ARHGAP29: variants seen among roughly 807,000 people sequenced by gnomAD.
ARHGAP29 encodes rho GTPase-activating protein 29.
Under a neutral mutation model 122.6 loss-of-function variants are expected in ARHGAP29, and 43 were observed. The ratio of observed to expected loss-of-function variants is 0.35; its 90% confidence interval spans 0.27 to 0.45. The LOEUF (loss-of-function observed/expected upper bound fraction) is 0.45. Among genes scored for constraint, ARHGAP29 ranks in the 20% least tolerant of loss-of-function variants. The pLI is 1.00. For synonymous variants in ARHGAP29, 506 were observed against 497.1 expected (o/e 1.02, Z -0.24); for missense variants, 1,303 against 1,477.2 (o/e 0.88, Z 1.93).
At chr1:94,309,187 A>G in the ARHGAP29 span, among the ~76,000 whole-genome samples, 1 of 152,240 alleles carries the variant, frequency 6.6e-6, no homozygotes, top group Non-Finnish European at 1.5e-5. Context: ...ACTTTCAAGC[A>G]TCCCTATTTC....
At chr1:94,268,981 T>C (rs61784302) in intron 1 of ARHGAP29, among the ~76,000 whole-genome samples, 3,390 of 152,290 alleles carry the variant, frequency 0.022, 52 homozygotes, top group Non-Finnish European at 0.033. Flanking sequence ...CATATACATA[T>C]GTAAGAAGGT....
intron 1 of ARHGAP29, among the ~76,000 whole-genome samples, chr1:94,233,561 G>A (rs1239898830): frequency 2.0e-5 from 3 of 152,078 alleles, no homozygotes; most frequent in African/African-American, 7.2e-5. Flanking sequence ...CCCTTCCAAA[G>A]TATAAGTGAG....
At chr1:94,205,747 T>G in intron 5 of ARHGAP29, 64 bp from the exon 6 acceptor site, 6 of 1,501,036 alleles carry the variant, frequency 4.0e-6, no homozygotes, top group Non-Finnish European at 5.5e-6. Context: ...CTTCAGAATT[T>G]TTTTGCCCCA....
intron 2 of ARHGAP29, 31 bp from the exon 3 acceptor site, chr1:94,220,423 C>T (rs1184635633): frequency 6.5e-7 from 1 of 1,529,658 alleles, no homozygotes; most frequent in Non-Finnish European, 8.8e-7. Flanking sequence ...AATTTATTTC[C>T]AGAGCAAAGT....
chr1:94,219,709 G>C (rs1199239691), intron 3 of ARHGAP29, among the ~76,000 whole-genome samples: 1 of 152,110 alleles, frequency 6.6e-6, no homozygotes. Context: ...TGAATGGCAA[G>C]TCATTTCATC....
At chr1:94,274,087 G>A (rs1156880530) in intron 1 of ARHGAP29, among the ~76,000 whole-genome samples, 2 of 152,158 alleles carry the variant, frequency 1.3e-5, no homozygotes, top group African/African-American at 4.8e-5. Flanking sequence ...AAGATTTAGA[G>A]ACGCTAAGCA....
chr1:94,194,961 AAAGTAAAAAGT>A (rs1453400993), intron 12 of ARHGAP29: 2 of 127,018 alleles, frequency 1.6e-5, no homozygotes, highest in African/African-American at 7.0e-5. Context: ...AATGTAGACA[AAAGTAAAAAGT>A]AATAATAGAA....
At chr1:94,284,839 A>T in the ARHGAP29 span, among the ~76,000 whole-genome samples, 1 of 152,236 alleles carries the variant, frequency 6.6e-6, no homozygotes, top group Non-Finnish European at 1.5e-5. Flanking sequence ...CACAGAAGAA[A>T]GATAGTGGCA....
At chr1:94,209,846 A>G (rs1191197581) in intron 3 of ARHGAP29, among the ~76,000 whole-genome samples, 1 of 152,082 alleles carries the variant, frequency 6.6e-6, no homozygotes, top group East Asian at 1.9e-4. Context: ...AAAGCATAAA[A>G]CCTGTAACAA....
At chr1:94,280,983 G>A in the ARHGAP29 span, among the ~76,000 whole-genome samples, 4,016 of 151,950 alleles carry the variant, frequency 0.026, 179 homozygotes, top group African/African-American at 0.092. Context: ...AATTTCTAGG[G>A]GTCACTTCCC....
At chr1:94,205,219 G>A in intron 6 of ARHGAP29, 21 bp from the exon 7 acceptor site, 1 of 1,553,052 alleles carries the variant, frequency 6.4e-7, no homozygotes, top group Non-Finnish European at 8.7e-7. Context: ...AAATATCAAG[G>A]TAAGTATATG....
At chr1:94,233,413 G>GCAGTAGAA (rs1653054301) in intron 1 of ARHGAP29, among the ~76,000 whole-genome samples, 1 of 151,656 alleles carries the variant, frequency 6.6e-6, no homozygotes, top group South Asian at 2.1e-4. Flanking sequence ...TACCACACTA[G>GCAGTAGAA]TGAATTACCA....
chr1:94,177,589 T>C, intron 22 of ARHGAP29, 23 bp downstream of exon 22: 2 of 1,545,854 alleles, frequency 1.3e-6, no homozygotes, highest in Non-Finnish European at 1.8e-6. Flanking sequence ...GCAAACATAT[T>C]TTTTTTTTAC....
At chr1:94,235,084 A>G (rs922364595) in intron 1 of ARHGAP29, among the ~76,000 whole-genome samples, 1 of 151,986 alleles carries the variant, frequency 6.6e-6, no homozygotes, top group Non-Finnish European at 1.5e-5. Flanking sequence ...GAGAAGAGGA[A>G]CTCTTTTCCT....
chr1:94,233,244 T>C (rs1013321337), intron 1 of ARHGAP29, among the ~76,000 whole-genome samples: 1 of 152,130 alleles, frequency 6.6e-6, no homozygotes, highest in Admixed American at 6.5e-5. Context: ...TGAGCCACCA[T>C]GCCTGGCCCA....
chr1:94,223,234 G>A (rs1381540155), intron 2 of ARHGAP29, among the ~76,000 whole-genome samples: 1 of 152,060 alleles, frequency 6.6e-6, no homozygotes, highest in Non-Finnish European at 1.5e-5. Context: ...GTGAGCCACC[G>A]CCCCTGGCCT....
chr1:94,237,391 C>A (rs1410347221), intron 1 of ARHGAP29, 24 bp downstream of exon 1: 3 of 984,980 alleles, frequency 3.0e-6, no homozygotes, highest in Non-Finnish European at 3.6e-6. Context: ...GCGGCCGGAG[C>A]AAGCGCCACC....
At chr1:94,231,872 C>A (rs1652938457) in intron 1 of ARHGAP29, among the ~76,000 whole-genome samples, 1 of 152,096 alleles carries the variant, frequency 6.6e-6, no homozygotes, top group Non-Finnish European at 1.5e-5. Flanking sequence ...CTCTGACATG[C>A]AAACTACTGT....
chr1:94,231,438 C>T lies in ARHGAP29; in HGVS notation c.174G>A (p.Met58Ile). 1 of 1,613,538 alleles carries T rather than the reference C, an allele frequency of 6.2e-7. No homozygotes were observed. Among genetic ancestry groups the T allele is most frequent in the Non-Finnish European group, 8.5e-7 (1 of 1,179,594 alleles). Reference protein sequence around the residue: ...LVNDIRKFSHMLLYLKEAIFS... With the variant: ...LVNDIRKFSHILLYLKEAIFS... The stretch of plus-strand genomic sequence containing the variant: ...ATATGGCTTCTTTCAAATATAGTAA[C>T]ATGTGGGAGAACTTCCTGATATCAT... Residue 58 changes from methionine (M) to isoleucine (I), a missense_variant, in exon 2 of 23, where the codon ATG (methionine) becomes ATA (isoleucine). Met to Ile is a conservative substitution (Grantham distance 10). Transcript: ENST00000260526.
Sources: gnomAD v4.1 joint callset for allele counts (sites outside exome capture counted in the v4.1 genomes callset) on GRCh38, gnomAD v4.1.1 for gene constraint, MANE v1.5 for transcripts, NCBI Gene and HGNC (gene_info 2026-07-23, HGNC 2026-07-21) for gene names.